The following FSTL4 variants were observed in gnomAD, a reference collection of about 807,000 sequenced individuals.
The protein encoded by FSTL4 is follistatin like 4.
In FSTL4, 28 loss-of-function variants were observed where a neutral mutation model predicts 78.2. The ratio of observed to expected loss-of-function variants is 0.36; its 90% confidence interval spans 0.27 to 0.49. FSTL4 has a LOEUF of 0.49. Ranked by LOEUF, FSTL4 falls within the 20% of genes least tolerant of loss-of-function variation. The probability of loss-of-function intolerance (pLI) is 0.98; values close to 1 mark genes in which losing one functional copy is unlikely to be tolerated. For missense variants in FSTL4, 922 were observed against 1,084.9 expected (o/e 0.85, Z 2.11); for synonymous variants, 422 against 440.5 (o/e 0.96, Z 0.53).
chr5:133,795,945 C>A, the FSTL4 span, among the ~76,000 whole-genome samples: 1 of 152,196 alleles, frequency 6.6e-6, no homozygotes, highest in South Asian at 2.1e-4. Flanking sequence ...GTCTCCCAAG[C>A]CCTGAAGACC....
intron 3 of FSTL4, among the ~76,000 whole-genome samples, chr5:133,521,452 C>A (rs1345307250): frequency 6.6e-6 from 1 of 152,136 alleles, no homozygotes; most frequent in Non-Finnish European, 1.5e-5. Flanking sequence ...AATCCTAATT[C>A]ATGAGGACTT....
the FSTL4 span, among the ~76,000 whole-genome samples, chr5:133,776,510 G>A: frequency 6.6e-6 from 1 of 152,080 alleles, no homozygotes; most frequent in Non-Finnish European, 1.5e-5. Flanking sequence ...ATTCTAAATA[G>A]CCCCTTCTTT....
intron 3 of FSTL4, among the ~76,000 whole-genome samples, chr5:133,473,357 G>C (rs1227786325): frequency 6.6e-6 from 1 of 152,162 alleles, no homozygotes; most frequent in Non-Finnish European, 1.5e-5. Flanking sequence ...TGGCCCTTTG[G>C]TCGTGACTGG....
chr5:133,767,693 C>T, the FSTL4 span, among the ~76,000 whole-genome samples: 1 of 152,152 alleles, frequency 6.6e-6, no homozygotes, highest in African/African-American at 2.4e-5. Context: ...AGAACCAGGC[C>T]CCCATGATAC....
chr5:133,483,180 C>T (rs1214728432), intron 3 of FSTL4, among the ~76,000 whole-genome samples: 5 of 152,176 alleles, frequency 3.3e-5, no homozygotes, highest in Non-Finnish European at 7.4e-5. Flanking sequence ...GTAAGATGTG[C>T]CTTTGCTCCT....
intron 4 of FSTL4, among the ~76,000 whole-genome samples, chr5:133,333,005 G>C (rs1427441297): frequency 6.6e-6 from 1 of 151,150 alleles, no homozygotes; most frequent in Admixed American, 6.6e-5. Context: ...CTCTCTCTCT[G>C]TCTCTCTCTC....
At chr5:133,771,995 C>G in the FSTL4 span, among the ~76,000 whole-genome samples, 1 of 152,106 alleles carries the variant, frequency 6.6e-6, no homozygotes, top group Non-Finnish European at 1.5e-5. Flanking sequence ...TGGTTAGAGT[C>G]AGAAAGCATA....
chr5:133,312,882 GGC>G, intron 5 of FSTL4, 105 bp from the exon 6 acceptor site: 1 of 961,896 alleles, frequency 1.0e-6, no homozygotes, highest in Non-Finnish European at 1.6e-6. Context: ...CAGCTCAGTG[GGC>G]CTTGAGGGGT....
At chr5:133,210,104 C>T in intron 14 of FSTL4, 87 bp downstream of exon 14, 1 of 724,176 alleles carries the variant, frequency 1.4e-6, no homozygotes, top group Non-Finnish European at 2.5e-6. Flanking sequence ...AATTAGCTAC[C>T]CGGGGAAGCA....
At chr5:133,639,878 C>T in the FSTL4 span, among the ~76,000 whole-genome samples, 85 of 152,248 alleles carry the variant, frequency 5.6e-4, no homozygotes, top group African/African-American at 2.0e-3. Context: ...TCCGAAGGGT[C>T]AGCAACTGAG....
the FSTL4 span, among the ~76,000 whole-genome samples, chr5:133,713,505 G>A: frequency 3.3e-5 from 5 of 152,174 alleles, no homozygotes; most frequent in Non-Finnish European, 5.9e-5. Context: ...GATTGAAAGA[G>A]GGACAATAAA....
chr5:133,577,790 C>T (rs965182043), intron 2 of FSTL4, among the ~76,000 whole-genome samples: 3 of 152,142 alleles, frequency 2.0e-5, no homozygotes, highest in Non-Finnish European at 2.9e-5. Flanking sequence ...CCTGTAGTCC[C>T]AGATACTTGT....
the FSTL4 span, among the ~76,000 whole-genome samples, chr5:133,814,953 G>A: frequency 2.6e-5 from 4 of 152,262 alleles, no homozygotes; most frequent in South Asian, 8.3e-4. Context: ...TACATGGCTT[G>A]TTCCAGGGGC....
intron 7 of FSTL4, among the ~76,000 whole-genome samples, chr5:133,240,342 C>T (rs1370128744): frequency 6.6e-6 from 1 of 152,228 alleles, no homozygotes; most frequent in Non-Finnish European, 1.5e-5. Flanking sequence ...AGGAACCATC[C>T]TTTTTCTCAG....
At chr5:133,824,961 G>A in the FSTL4 span, among the ~76,000 whole-genome samples, 1 of 151,900 alleles carries the variant, frequency 6.6e-6, no homozygotes, top group Non-Finnish European at 1.5e-5. Context: ...TAAAAATAGA[G>A]AGGGCACCAC....
chr5:133,422,010 A>G (rs1409852900), intron 3 of FSTL4, among the ~76,000 whole-genome samples: 1 of 152,152 alleles, frequency 6.6e-6, no homozygotes, highest in Non-Finnish European at 1.5e-5. Flanking sequence ...TTCTTGGAGG[A>G]GGCAGCCTTT....
the FSTL4 span, among the ~76,000 whole-genome samples, chr5:133,736,896 G>A: frequency 6.6e-6 from 1 of 152,096 alleles, no homozygotes; most frequent in Admixed American, 6.5e-5. Flanking sequence ...TCTAAAGCTG[G>A]AGACGTGCCC....
At chr5:133,483,479 T>C (rs1310265449) in intron 3 of FSTL4, among the ~76,000 whole-genome samples, 2 of 152,196 alleles carry the variant, frequency 1.3e-5, no homozygotes, top group Middle Eastern at 3.2e-3. Flanking sequence ...GGGCTCTGAC[T>C]GGACCCTCTT....
chr5:133,534,198 T>A (rs1281638400), intron 3 of FSTL4, among the ~76,000 whole-genome samples: 1 of 151,906 alleles, frequency 6.6e-6, no homozygotes, highest in South Asian at 2.1e-4. Context: ...GAGTCTCCTA[T>A]GAAATAGTGG....
Sources: gnomAD v4.1 joint callset for allele counts (sites outside exome capture counted in the v4.1 genomes callset) on GRCh38, gnomAD v4.1.1 for gene constraint, MANE v1.5 for transcripts, NCBI Gene and HGNC (gene_info 2026-07-23, HGNC 2026-07-21) for gene names.